ACO1: variants seen among roughly 807,000 people sequenced by gnomAD.
The protein encoded by ACO1 is aconitase 1.
A neutral mutation model predicts 105.1 loss-of-function variants in ACO1; 78 were observed. The observed-to-expected ratio is 0.74, with a 90% CI of 0.62 to 0.90. The LOEUF (loss-of-function observed/expected upper bound fraction) is 0.90, where lower values mean the gene tolerates loss of function less well. ACO1 is among the 40% of genes least tolerant of loss of function. ACO1 has a pLI of 0.00. For synonymous variants in ACO1, 364 were observed against 397.4 expected, an observed-to-expected ratio of 0.92 and a Z score of 1.00; for missense variants, 965 against 1,111.1, an observed-to-expected ratio of 0.87 and a Z score of 1.87.
chr9:32,424,286 A>G (rs916133021), intron 9 of ACO1, among the ~76,000 whole-genome samples: 1 of 152,218 alleles, frequency 6.6e-6, no homozygotes, highest in African/African-American at 2.4e-5. Context: ...GAGCATCTGC[A>G]GCACCCACCC....
At position 32,427,553 on chromosome 9, in the gene ACO1, G is replaced by A. The variant is rs72561744; in HGVS notation, c.1484+117G>A. The A allele has an allele frequency of 3.3e-4, 462 of 1,404,324 alleles. 3 individuals carry two copies. In the African/African-American group the frequency reaches 5.8e-3, roughly 18 times the overall value. 87.0% of individuals were successfully genotyped at this position (1,404,324 alleles called of 1,614,324 possible). On this transcript the variant is annotated intron_variant, in intron 12 of 20. Coordinates refer to ENST00000309951, the MANE Select transcript of ACO1 (RefSeq NM_002197.3). ...TCTGATGATATCTAATTGCATAGTC[G>A]TTTATCAGTTGGTAGTTAGACTTAA... is the stretch of plus-strand genomic sequence containing the variant.
At chr9:32,435,333 T>C (rs1299091180) in intron 17 of ACO1, among the ~76,000 whole-genome samples, 3 of 152,186 alleles carry the variant, frequency 2.0e-5, no homozygotes, top group Non-Finnish European at 2.9e-5. Flanking sequence ...AAATGCCTTT[T>C]TTCTATTGAT....
intron 10 of ACO1, among the ~76,000 whole-genome samples, chr9:32,425,243 CAAGGTACCTAGCACAGT>C (rs1822062845): frequency 6.6e-6 from 1 of 152,220 alleles, no homozygotes; most frequent in Non-Finnish European, 1.5e-5. Flanking sequence ...TGGGAGCCCG[CAAGGTACCTAGCACAGT>C]ATCTTACATG....
rs544543110 is a variant in ACO1 at position 32,448,576 on chromosome 9, C to T, written c.2371-320C>T. Among the ~76,000 whole-genome samples, 16 of 152,276 alleles carry T rather than the reference C, an allele frequency of 1.1e-4. No homozygotes were observed. In the South Asian group the frequency reaches 3.1e-3, roughly 30 times the overall value. Reference sequence around the variant, plus strand: ...CCAGAGTGCACTGTTCCTCCTGGTACAGTCTCTCATGGCTTCCCTTGGCTA... The same window carrying T: ...CCAGAGTGCACTGTTCCTCCTGGTATAGTCTCTCATGGCTTCCCTTGGCTA... On this transcript the variant is annotated intron_variant, in intron 19 of 20. Transcript: ENST00000309951.
At position 32,448,908 on chromosome 9, in the gene ACO1, G is replaced by A. The variant is rs375980125; in HGVS notation, c.2383G>A (p.Val795Ile). The change falls in exon 20 of 21, where the codon GTC becomes ATC. Residue 795 changes from valine (V) to isoleucine (I), a missense_variant. Coordinates refer to ENST00000309951, the MANE Select transcript of ACO1 (RefSeq NM_002197.3). ...CTTTATTCATCAGGGAATCAAAGCC[G>A]TCCTGGCCGAGAGCTACGAGCGCAT... ...KGPFLLGIKA[V>I]LAESYERIHR... is the part of the protein sequence containing the mutation. 39 of 1,614,098 alleles carry A rather than the reference G, an allele frequency of 2.4e-5. No individual in the cohort carries two copies. Among genetic ancestry groups the A allele is most frequent in the Admixed American group, 1.8e-4 (11 of 60,002 alleles).
At chr9:32,433,650 A>G in intron 15 of ACO1, 78 bp from the exon 16 acceptor site, 1 of 1,070,824 alleles carries the variant, frequency 9.3e-7, no homozygotes, top group Admixed American at 2.3e-5. Context: ...TTTAGCTTGA[A>G]TGTATGTTTT....
At chr9:32,392,656 CA>C (rs1216532589) in intron 1 of ACO1, among the ~76,000 whole-genome samples, 1 of 152,166 alleles carries the variant, frequency 6.6e-6, no homozygotes, top group African/African-American at 2.4e-5. Context: ...CCAGTTTGCC[CA>C]AATGAGAAAC....
intron 9 of ACO1, among the ~76,000 whole-genome samples, chr9:32,424,058 G>A (rs944183166): frequency 2.0e-5 from 3 of 152,126 alleles, no homozygotes; most frequent in South Asian, 2.1e-4. Context: ...CTAGCCCTGC[G>A]ACCCATGTTT....
intron 19 of ACO1, among the ~76,000 whole-genome samples, chr9:32,446,677 C>T (rs1479246906): frequency 6.6e-6 from 1 of 152,164 alleles, no homozygotes; most frequent in African/African-American, 2.4e-5. Context: ...TTTTTCATAG[C>T]ATCGATGGTC....
At chr9:32,393,832 C>G (rs1330388243) in intron 1 of ACO1, among the ~76,000 whole-genome samples, 6 of 152,134 alleles carry the variant, frequency 3.9e-5, no homozygotes, top group Non-Finnish European at 8.8e-5. Context: ...TGGATTTGTT[C>G]CCTCCTGTAC....
intron 1 of ACO1, among the ~76,000 whole-genome samples, chr9:32,400,345 A>T (rs1821468803): frequency 6.6e-6 from 1 of 151,156 alleles, no homozygotes; most frequent in African/African-American, 2.4e-5. Flanking sequence ...CAAATTTGGT[A>T]TCCTGCTGAG....
rs774908713 is a variant in ACO1 at position 32,431,763 on chromosome 9, C to G, written c.1771C>G (p.Pro591Ala). 3 of 1,613,870 alleles carry G rather than the reference C, an allele frequency of 1.9e-6. No homozygotes were observed. In the African/African-American group the frequency reaches 4.0e-5, roughly 22 times the overall value. Residue 591 changes from proline (P) to alanine (A), a missense_variant, in exon 15 of 21, where the codon CCG (proline) becomes GCG (alanine). Physicochemically the swap from Pro to Ala is conservative, Grantham distance 27. Coordinates refer to ENST00000309951, the MANE Select transcript of ACO1 (RefSeq NM_002197.3). ...GCAGGTATTTCTGAAAGATATCTGG[C>G]CGACTAGAGACGAGATCCAGGCAGT... ...GQQVFLKDIW[P>A]TRDEIQAVER... is the part of the protein sequence containing the mutation.
chr9:32,422,555 A>G (rs1375895162), intron 8 of ACO1, among the ~76,000 whole-genome samples: 1 of 152,200 alleles, frequency 6.6e-6, no homozygotes, highest in Non-Finnish European at 1.5e-5. Flanking sequence ...TGTGGACTGC[A>G]TGTCCGTTGG....
At chr9:32,400,959 T>G (rs1397686378) in intron 1 of ACO1, among the ~76,000 whole-genome samples, 2 of 152,076 alleles carry the variant, frequency 1.3e-5, no homozygotes, top group East Asian at 3.8e-4. Context: ...TTTTTTTTTT[T>G]TTCACTTAAA....
At chr9:32,449,740 T>TGGCTCTCACCCCCATCATTTA (rs1822713923) in intron 20 of ACO1, among the ~76,000 whole-genome samples, 1 of 152,202 alleles carries the variant, frequency 6.6e-6, no homozygotes, top group Admixed American at 6.5e-5. Context: ...AGTTCTTAGA[T>TGGCTCTCACCCCCATCATTTA]GGCTCTCACC....
chr9:32,392,763 G>T (rs1307747434), intron 1 of ACO1, among the ~76,000 whole-genome samples: 6 of 152,212 alleles, frequency 3.9e-5, no homozygotes, highest in African/African-American at 1.4e-4. Context: ...CGAACGGAGG[G>T]ACCGGCTGAA....
At chr9:32,420,747 T>C in intron 7 of ACO1, 109 bp from the exon 8 acceptor site, 1 of 1,132,960 alleles carries the variant, frequency 8.8e-7, no homozygotes. Context: ...GCTGATTTAC[T>C]ATTTGGGTTT....
intron 10 of ACO1, among the ~76,000 whole-genome samples, chr9:32,425,415 C>T (rs1270994586): frequency 6.6e-6 from 1 of 152,150 alleles, no homozygotes; most frequent in Non-Finnish European, 1.5e-5. Context: ...GTCAAAATAG[C>T]GCCTTTTTCT....
Position 32,431,792 on chromosome 9 carries a change from G to A in ACO1, c.1800G>A (p.Glu600=), listed in dbSNP as rs1336855804. The change falls in exon 15 of 21, where the codon GAG becomes GAA. Residue 600 remains glutamate (E), a synonymous_variant. Coordinates refer to ENST00000309951, the MANE Select transcript of ACO1 (RefSeq NM_002197.3). The stretch of plus-strand genomic sequence containing the variant: ...CTAGAGACGAGATCCAGGCAGTGGA[G>A]CGTCAGTATGTCATCCCGGGGATGT... ...WPTRDEIQAV[E]RQYVIPGMFK... The A allele has an allele frequency of 6.2e-7, 1 of 1,614,142 alleles. No homozygotes were observed. Among genetic ancestry groups the A allele is most frequent in the African/African-American group, 1.3e-5 (1 of 75,030 alleles).
Sources: gnomAD v4.1 joint callset for allele counts (sites outside exome capture counted in the v4.1 genomes callset) on GRCh38, gnomAD v4.1.1 for gene constraint, MANE v1.5 for transcripts, NCBI Gene and HGNC (gene_info 2026-07-23, HGNC 2026-07-21) for gene names.